Variants in UPF2 observed in about 807,000 individuals in gnomAD.
UPF2 encodes UPF2 regulator of nonsense mediated mRNA decay, also known as regulator of nonsense transcripts 2.
UPF2 carries 17 observed loss-of-function variants against 141.4 expected under a neutral mutation model. That is an observed-to-expected ratio of 0.12 (90% CI 0.08 to 0.18). The LOEUF is 0.18. UPF2 is among the 10% of genes least tolerant of loss of function. UPF2 has a pLI of 1.00. For synonymous variants in UPF2, 540 were observed against 498.0 expected (o/e 1.08, Z -1.12); for missense variants, 1,152 against 1,515.9 (o/e 0.76, Z 3.99).
At chr10:11,948,557 G>C in intron 15 of UPF2, 49 bp from the exon 16 acceptor site, 1 of 1,594,706 alleles carries the variant, frequency 6.3e-7, no homozygotes, top group Non-Finnish European at 8.5e-7. Flanking sequence ...AATAGACACA[G>C]GCTAGTTTTC....
chr10:11,997,896 A>T, intron 7 of UPF2, 139 bp from the exon 8 acceptor site: 1 of 815,936 alleles, frequency 1.2e-6, no homozygotes, highest in South Asian at 1.9e-5. Flanking sequence ...TAGTATCAGG[A>T]AAGTTTTCTG....
Position 11,939,787 on chromosome 10 carries a change from G to A in UPF2, c.3378+2878C>T, listed in dbSNP as rs534253676. Among the ~76,000 whole-genome samples the A allele has an allele frequency of 2.2e-3, 329 of 152,258 alleles. 2 individuals are homozygous for A. Among genetic ancestry groups the A allele is most frequent in the African/African-American group, 7.6e-3 (315 of 41,556 alleles). ...CCGCCTCGGCCTCCCAAAGTGCTGG[G>A]ATTACAGGTGTGAGCCACAGTGCCC... On this transcript the variant is annotated intron_variant, in intron 18 of 21. Transcript: ENST00000357604. This position sits in a 1 kb window ranked among gnomAD's most constrained non-coding sequence, Gnocchi z 4.8.
chr10:12,017,668 G>C (rs1014727150), intron 3 of UPF2, among the ~76,000 whole-genome samples: 1 of 152,188 alleles, frequency 6.6e-6, no homozygotes, highest in South Asian at 2.1e-4. Context: ...TATTCAGTGA[G>C]AATAGTCCTC....
chr10:11,954,643 A>AAAAAAAT (rs1439199969), intron 14 of UPF2, among the ~76,000 whole-genome samples: 19 of 128,338 alleles, frequency 1.5e-4, no homozygotes, highest in African/African-American at 4.8e-4. Flanking sequence ...CAAAAAAAAA[A>AAAAAAAT]ATATATATAT....
chr10:11,950,926 T>C (rs1485551001), intron 15 of UPF2, among the ~76,000 whole-genome samples: 1 of 152,214 alleles, frequency 6.6e-6, no homozygotes, highest in African/African-American at 2.4e-5. Flanking sequence ...GTTCTTCAGA[T>C]ATGCGATGTC....
chr10:12,007,715 C>T (rs974084640), intron 4 of UPF2, among the ~76,000 whole-genome samples: 2 of 151,680 alleles, frequency 1.3e-5, no homozygotes, highest in African/African-American at 4.8e-5. Context: ...CCTGTAGTCC[C>T]AGCTACTCAG....
intron 8 of UPF2, among the ~76,000 whole-genome samples, chr10:11,990,718 G>A (rs1489223411): frequency 6.8e-6 from 1 of 147,766 alleles, no homozygotes; most frequent in Non-Finnish European, 1.5e-5. Flanking sequence ...ACCAGGCCCA[G>A]TGGCTCACGC....
chr10:11,977,499 T>G (rs953977956), intron 9 of UPF2, among the ~76,000 whole-genome samples: 1 of 152,036 alleles, frequency 6.6e-6, no homozygotes, highest in African/African-American at 2.4e-5. Context: ...AATGAGAGAG[T>G]ACATATAGAC....
chr10:11,931,943 G>T lies in UPF2; in HGVS notation c.3547-161C>A, dbSNP rs1832786656. 1.3e-5 allele frequency among the ~76,000 whole-genome samples: 2 copies of T among 152,184 alleles called. No homozygotes were observed. Among genetic ancestry groups the T allele is most frequent in the African/African-American group, 4.8e-5 (2 of 41,442 alleles). On this transcript the variant is annotated intron_variant, in intron 19 of 21. Coordinates refer to ENST00000357604, the MANE Select transcript of UPF2 (RefSeq NM_015542.4). This position sits in a 1 kb window ranked among gnomAD's most constrained non-coding sequence, Gnocchi z 5.9. ...AGGCGGGCGGATCACGAGGTCAAGA[G>T]ATCAAGACCATCCAGGCCAACATGA...
At chr10:12,025,563 A>G (rs1001421631) in intron 3 of UPF2, among the ~76,000 whole-genome samples, 20 of 151,840 alleles carry the variant, frequency 1.3e-4, no homozygotes, top group Admixed American at 3.3e-4. Context: ...TAAATAAATA[A>G]ATAAATAAAT....
Position 12,021,920 on chromosome 10 carries a change from C to T in UPF2, c.1145+6825G>A, listed in dbSNP as rs554248177. On this transcript the variant is annotated intron_variant, in intron 3 of 21. Transcript: ENST00000357604. ...CAGCACTTTGGGAGGGCAAGGCGGGCGGATCACTTGAGGTCAGGAAACCAG... is the reference window on the plus strand; with the variant it reads ...CAGCACTTTGGGAGGGCAAGGCGGGTGGATCACTTGAGGTCAGGAAACCAG... Among the ~76,000 whole-genome samples, 8 of 152,154 alleles carry T rather than the reference C, an allele frequency of 5.3e-5. No individual in the cohort carries two copies. The South Asian group carries it at 8.3e-4, about 16-fold the overall frequency.
rs1832843039 is a variant in UPF2 at position 11,935,867 on chromosome 10, C to T, written c.3546+678G>A. Among the ~76,000 whole-genome samples the T allele has an allele frequency of 6.6e-6, 1 of 152,002 alleles. No individual in the cohort carries two copies. The highest frequency in any genetic ancestry group is 6.6e-5 in the Admixed American group (1 of 15,266). ...TAGAGGGGGAAACGGTTTTGAGGGA[C>T]CATCTTGTATGAAGGGGGAAAGGGC... On this transcript the variant is annotated intron_variant, in intron 19 of 21. Coordinates refer to ENST00000357604, the MANE Select transcript of UPF2 (RefSeq NM_015542.4). This position sits in a 1 kb window ranked among gnomAD's most constrained non-coding sequence, Gnocchi z 4.9.
At chr10:12,006,374 T>A (rs1216783058) in intron 4 of UPF2, among the ~76,000 whole-genome samples, 4 of 152,220 alleles carry the variant, frequency 2.6e-5, no homozygotes, top group Non-Finnish European at 2.9e-5. Context: ...TATGAGCCCA[T>A]TCATGAACTT....
intron 19 of UPF2, among the ~76,000 whole-genome samples, chr10:11,932,937 A>G (rs1373721037): frequency 6.6e-6 from 1 of 152,232 alleles, no homozygotes; most frequent in Non-Finnish European, 1.5e-5. Context: ...ATACTATGTT[A>G]TGCATTTGTT....
intron 4 of UPF2, among the ~76,000 whole-genome samples, chr10:12,013,277 A>ATTT (rs1215529268): frequency 1.5e-5 from 2 of 137,714 alleles, no homozygotes; most frequent in South Asian, 2.3e-4. Flanking sequence ...CACCCCTAAA[A>ATTT]TTTTTTTTTT....
chr10:11,972,078 A>C lies in UPF2; in HGVS notation c.1954-4624T>G, dbSNP rs1833427616. 1.3e-5 allele frequency among the ~76,000 whole-genome samples: 2 copies of C among 151,702 alleles called. 1 individual carries two copies. ...GACTCTGTCTCAAAAAAAAAAAAAAAAAAACACACAAAAAAACACTCTTCA... is the reference window on the plus strand; with the variant it reads ...GACTCTGTCTCAAAAAAAAAAAAAACAAAACACACAAAAAAACACTCTTCA... On this transcript the variant is annotated intron_variant, in intron 9 of 21. Coordinates refer to ENST00000357604, the MANE Select transcript of UPF2 (RefSeq NM_015542.4).
At chr10:11,962,233 T>G (rs1055639301) in intron 11 of UPF2, among the ~76,000 whole-genome samples, 1 of 152,216 alleles carries the variant, frequency 6.6e-6, no homozygotes, top group Admixed American at 6.5e-5. Flanking sequence ...TAGCCAAGAC[T>G]AATTTTGAAG....
In UPF2 at chr10:11,936,454, C is replaced by T. The variant is rs1021723433; in HGVS notation, c.3546+91G>A. On this transcript the variant is annotated intron_variant, in intron 19 of 21. Transcript: ENST00000357604. The surrounding 1 kb of genome is among the most constrained non-coding windows in gnomAD (Gnocchi z 6.6). ...TACCACTGAATGGTTTAAAACTGTC[C>T]AACCCTTATCCCCTTGTAGGTCAAA... The T allele has an allele frequency of 8.1e-6, 11 of 1,358,526 alleles. No homozygotes were observed. In the African/African-American group the frequency reaches 1.5e-4, roughly 18 times the overall value. The allele number at this position is 1,358,526 out of a possible 1,614,324, so 84.2% of individuals were successfully genotyped here. A position where few individuals can be genotyped will look rare whatever the true frequency, so the allele number is the denominator to read the frequency against.
At chr10:11,929,457 C>T (rs957198689) in intron 21 of UPF2, among the ~76,000 whole-genome samples, 29 of 152,020 alleles carry the variant, frequency 1.9e-4, no homozygotes, top group Admixed American at 9.8e-4. Context: ...CACAATATGG[C>T]GAGACTCTGT....
Sources: gnomAD v4.1 joint callset for allele counts (sites outside exome capture counted in the v4.1 genomes callset) on GRCh38, gnomAD v4.1.1 for gene constraint, Gnocchi (gnomAD v3.1) non-coding constraint, MANE v1.5 for transcripts, NCBI Gene and HGNC (gene_info 2026-07-23, HGNC 2026-07-21) for gene names.